Variants in MAP4K3 observed in about 807,000 individuals in gnomAD.
The protein encoded by MAP4K3 is mitogen-activated protein kinase kinase kinase kinase 3.
In MAP4K3, 94 loss-of-function variants were observed where a neutral mutation model predicts 143.5. The observed-to-expected ratio is 0.65, with a 90% CI of 0.55 to 0.78. The LOEUF is 0.78. Ranked by LOEUF, MAP4K3 falls within the 30% of genes least tolerant of loss-of-function variation. The pLI, the probability that MAP4K3 is intolerant of heterozygous loss-of-function variation, is 0.00. For synonymous variants in MAP4K3, 416 were observed against 347.2 expected, an observed-to-expected ratio of 1.20 and a Z score of -2.20; for missense variants, 1,077 against 1,068.1, an observed-to-expected ratio of 1.01 and a Z score of -0.12.
chr2:39,377,696 C>A (rs369858424), intron 2 of MAP4K3, among the ~76,000 whole-genome samples: 5 of 152,270 alleles, frequency 3.3e-5, no homozygotes, highest in African/African-American at 1.2e-4. Flanking sequence ...GGGAGACAAA[C>A]TGAACTACAA....
intron 12 of MAP4K3, among the ~76,000 whole-genome samples, chr2:39,318,825 A>G (rs1046690746): frequency 6.6e-6 from 1 of 152,200 alleles, no homozygotes; most frequent in Non-Finnish European, 1.5e-5. Flanking sequence ...ATAAATACAA[A>G]TAACAGGCCC....
chr2:39,404,251 T>A (rs755709477), intron 1 of MAP4K3, among the ~76,000 whole-genome samples: 1 of 152,056 alleles, frequency 6.6e-6, no homozygotes, highest in Non-Finnish European at 1.5e-5. Context: ...TCAGCCACAG[T>A]GGGGTAGAGC....
Position 39,419,008 on chromosome 2 carries a change from C to T in MAP4K3, c.96+17884G>A, listed in dbSNP as rs371888882. On this transcript the variant is annotated intron_variant, in intron 1 of 33. Transcript: ENST00000263881. ...AGTTGTGCCAAATGTACCATGGTAACATGTTAACAAAAAACGAAACTGGGT... is the reference window on the plus strand; with the variant it reads ...AGTTGTGCCAAATGTACCATGGTAATATGTTAACAAAAAACGAAACTGGGT... Among the ~76,000 whole-genome samples the T allele has an allele frequency of 6.6e-5, 10 of 152,136 alleles. No individual in the cohort carries two copies. In the East Asian group the frequency reaches 1.9e-3, roughly 29 times the overall value.
chr2:39,372,901 C>G (rs1666121040), intron 2 of MAP4K3, among the ~76,000 whole-genome samples: 1 of 152,084 alleles, frequency 6.6e-6, no homozygotes, highest in South Asian at 2.1e-4. Flanking sequence ...TGAGCAATAT[C>G]CTACAGGCAC....
At chr2:39,340,759 G>A (rs911643203) in intron 4 of MAP4K3, among the ~76,000 whole-genome samples, 1 of 152,136 alleles carries the variant, frequency 6.6e-6, no homozygotes, top group South Asian at 2.1e-4. Flanking sequence ...AAAAATAATG[G>A]AGGGAGATAT....
chr2:39,342,073 C>A (rs897076566), intron 4 of MAP4K3, among the ~76,000 whole-genome samples: 3 of 151,456 alleles, frequency 2.0e-5, no homozygotes, highest in Non-Finnish European at 4.4e-5. Context: ...TGTGCCAAGG[C>A]TTCATCTCTG....
chr2:39,437,000 G>T lies in MAP4K3; in HGVS notation c.-13C>A. 6.2e-7 allele frequency: 1 copy of T among 1,606,470 alleles called. No homozygotes were observed. On this transcript the variant is annotated 5_prime_UTR_variant, in exon 1 of 34. Transcript: ENST00000263881. Reference sequence around the variant, plus strand: ...AGCCGGGGTTCATGGCGGGCCCCAGGTGCCCCCCGCCTCCCTCCCGGGCAG... The same window carrying T: ...AGCCGGGGTTCATGGCGGGCCCCAGTTGCCCCCCGCCTCCCTCCCGGGCAG...
At position 39,270,823 on chromosome 2, in the gene MAP4K3, T is replaced by C. The variant is rs147474846; in HGVS notation, c.1973+1460A>G. 1.5e-3 allele frequency among the ~76,000 whole-genome samples: 223 copies of C among 152,288 alleles called. 1 individual carries two copies. The highest frequency in any genetic ancestry group is 5.0e-3 in the African/African-American group (209 of 41,574). ...TGTATGGCAGAAGAAATGGTATGAA[T>C]GCACATATATAAAATATTATGATGC... On this transcript the variant is annotated intron_variant, in intron 26 of 33. Coordinates refer to ENST00000263881, the MANE Select transcript of MAP4K3 (RefSeq NM_003618.4).
In MAP4K3 at chr2:39,419,888, G is replaced by A. The variant is rs201306255; in HGVS notation, c.96+17004C>T. On this transcript the variant is annotated intron_variant, in intron 1 of 33. Transcript: ENST00000263881. Reference sequence around the variant, plus strand: ...ATTTGGAGTTTGTGGTTTTACTGACGGGATAGAAGATGGTGGAGCACAGGA... The same window carrying A: ...ATTTGGAGTTTGTGGTTTTACTGACAGGATAGAAGATGGTGGAGCACAGGA... Among the ~76,000 whole-genome samples the A allele has an allele frequency of 1.2e-4, 18 of 152,280 alleles. 1 individual carries two copies. In the East Asian group the frequency reaches 3.1e-3, roughly 26 times the overall value.
Position 39,320,656 on chromosome 2 carries a change from T to C in MAP4K3, c.918+4862A>G, listed in dbSNP as rs540742133. 9.5e-4 allele frequency among the ~76,000 whole-genome samples: 144 copies of C among 152,320 alleles called. 1 individual carries two copies. Among genetic ancestry groups the C allele is most frequent in the African/African-American group, 3.1e-3 (129 of 41,570 alleles). ...TAGAATGGAGATGAGTTCTATTTAA[T>C]GTTAATTCATGAACATTACTATAAC... On this transcript the variant is annotated intron_variant, in intron 12 of 33. Transcript: ENST00000263881.
chr2:39,401,687 G>A (rs1666958683), intron 1 of MAP4K3, among the ~76,000 whole-genome samples: 1 of 152,104 alleles, frequency 6.6e-6, no homozygotes, highest in South Asian at 2.1e-4. Flanking sequence ...TGTAGTCTCA[G>A]CTGCTTGGGG....
chr2:39,257,192 T>A (rs1029770251), intron 31 of MAP4K3, among the ~76,000 whole-genome samples: 3 of 152,206 alleles, frequency 2.0e-5, no homozygotes, highest in African/African-American at 7.2e-5. Context: ...CCAGAAAAAG[T>A]GTGCCTAGTC....
At chr2:39,258,988 G>A (rs2148437820) in intron 29 of MAP4K3, among the ~76,000 whole-genome samples, 1 of 150,794 alleles carries the variant, frequency 6.6e-6, no homozygotes, top group East Asian at 2.0e-4. Context: ...GCATCACCTG[G>A]GAATTTACAA....
rs570952654 is a variant in MAP4K3 at position 39,412,098 on chromosome 2, C to T, written c.96+24794G>A. 3.3e-5 allele frequency among the ~76,000 whole-genome samples: 5 copies of T among 152,274 alleles called. No individual in the cohort carries two copies. The East Asian group carries it at 9.6e-4, about 29-fold the overall frequency. The stretch of plus-strand genomic sequence containing the variant: ...TCATTAGGAAGATCACTTTAAAGAT[C>T]AAATGTTCCAGAAAACACACTTTGG... On this transcript the variant is annotated intron_variant, in intron 1 of 33. Transcript: ENST00000263881.
intron 15 of MAP4K3, among the ~76,000 whole-genome samples, 179 bp downstream of exon 15, chr2:39,307,764 T>C (rs1682766447): frequency 1.3e-5 from 2 of 152,016 alleles, no homozygotes; most frequent in South Asian, 4.1e-4. Flanking sequence ...TATATTTGAG[T>C]AGATATATAT....
intron 24 of MAP4K3, among the ~76,000 whole-genome samples, chr2:39,273,050 A>G (rs1260729382): frequency 6.6e-6 from 1 of 152,148 alleles, no homozygotes; most frequent in African/African-American, 2.4e-5. Flanking sequence ...AAACTCATAA[A>G]TCACAAAGCA....
chr2:39,290,413 GAC>G (rs1175105865), intron 18 of MAP4K3, 79 bp from the exon 19 acceptor site: 4 of 912,648 alleles, frequency 4.4e-6, no homozygotes, highest in Non-Finnish European at 5.0e-6. Flanking sequence ...TTTTTTCAAA[GAC>G]ACATAAAAAA....
intron 1 of MAP4K3, among the ~76,000 whole-genome samples, chr2:39,401,473 GC>G (rs1187500953): frequency 6.6e-6 from 1 of 152,152 alleles, no homozygotes; most frequent in Non-Finnish European, 1.5e-5. Flanking sequence ...TAGGCTACCA[GC>G]TGCTCTGTTC....
At chr2:39,343,149 G>A (rs947773160) in intron 4 of MAP4K3, among the ~76,000 whole-genome samples, 3 of 152,144 alleles carry the variant, frequency 2.0e-5, no homozygotes, top group Non-Finnish European at 4.4e-5. Flanking sequence ...TTTTTGAAAT[G>A]ACTACAATAT....
Sources: gnomAD v4.1 joint callset for allele counts (sites outside exome capture counted in the v4.1 genomes callset) on GRCh38, gnomAD v4.1.1 for gene constraint, MANE v1.5 for transcripts, NCBI Gene and HGNC (gene_info 2026-07-23, HGNC 2026-07-21) for gene names.